ATP6V1B1: variants seen among roughly 807,000 people sequenced by gnomAD.
ATP6V1B1 encodes ATPase H+ transporting V1 subunit B1.
Under a neutral mutation model 62.1 loss-of-function variants are expected in ATP6V1B1, and 41 were observed. The ratio of observed to expected loss-of-function variants is 0.66; its 90% CI spans 0.51 to 0.86. ATP6V1B1 has a LOEUF of 0.86. Ranked by LOEUF, ATP6V1B1 falls within the 40% of genes least tolerant of loss-of-function variation. The probability of loss-of-function intolerance (pLI) is 0.00; values close to 1 mark genes in which losing one functional copy is unlikely to be tolerated. For synonymous variants in ATP6V1B1, 253 were observed against 273.4 expected, an observed-to-expected ratio of 0.93 and a Z score of 0.74; for missense variants, 651 against 697.5, an observed-to-expected ratio of 0.93 and a Z score of 0.75.
At position 70,957,845 on chromosome 2, in the gene ATP6V1B1, T is replaced by C. The variant is rs1474164659; in HGVS notation, c.175-201T>C. On this transcript the variant is annotated intron_variant, in intron 2 of 13. Coordinates refer to ENST00000234396, the MANE Select transcript of ATP6V1B1 (RefSeq NM_001692.4). ...CTTCAGAGTTTCAGCTGTAACCTGG[T>C]CTTGCAACTCTGAAGTGGGTGCAAC... is the stretch of plus-strand genomic sequence containing the variant. The C allele has an allele frequency of 2.3e-5, 14 of 610,218 alleles. No homozygotes were observed. In the African/African-American group the frequency reaches 2.5e-4, roughly 11 times the overall value. The allele number at this position is 610,218 out of a possible 1,614,324, so 37.8% of individuals were successfully genotyped here. A position where few individuals can be genotyped will look rare whatever the true frequency, so the allele number is the denominator to read the frequency against.
chr2:70,964,310 G>T, intron 11 of ATP6V1B1, 128 bp from the exon 12 acceptor site: 2 of 894,214 alleles, frequency 2.2e-6, no homozygotes, highest in Non-Finnish European at 3.7e-6. Flanking sequence ...AGATAAGAGA[G>T]GGTGGGTGTG....
intron 1 of ATP6V1B1, among the ~76,000 whole-genome samples, chr2:70,942,989 G>A (rs1553416630): frequency 6.6e-6 from 1 of 152,230 alleles, no homozygotes; most frequent in East Asian, 1.9e-4. Context: ...AATTCCCTAT[G>A]CAAGCTGAGC....
chr2:70,963,904 G>A lies in ATP6V1B1; in HGVS notation c.1143+250G>A, dbSNP rs1284237149. 2.0e-5 allele frequency among the ~76,000 whole-genome samples: 3 copies of A among 152,140 alleles called. No homozygotes were observed. The highest frequency in any genetic ancestry group is 6.5e-5 in the Admixed American group (1 of 15,278). ...TCCTAGGTTTCCTCATCCATAAAAT[G>A]GGAATAATCAAATATATCACCCAGA... On this transcript the variant is annotated intron_variant, in intron 11 of 13. Transcript: ENST00000234396. The surrounding 1 kb of genome is among the most constrained non-coding windows in gnomAD (Gnocchi z 4.3).
At position 70,959,241 on chromosome 2, in the gene ATP6V1B1, C is replaced by T; in HGVS notation, c.445+146C>T. 2 of 840,380 alleles carry T rather than the reference C, an allele frequency of 2.4e-6. No individual in the cohort carries two copies. The highest frequency in any genetic ancestry group is 4.0e-6 in the Non-Finnish European group (2 of 504,870). The allele number at this position is 840,380 out of a possible 1,614,324, so 52.1% of individuals were successfully genotyped here. The stretch of plus-strand genomic sequence containing the variant: ...CTATCCCCAAATCTTCCACTGAACC[C>T]CAACACTGCCGTCAGCACTCCATGT... On this transcript the variant is annotated intron_variant, in intron 5 of 13. Transcript: ENST00000234396. The surrounding 1 kb of genome is among the most constrained non-coding windows in gnomAD (Gnocchi z 4.2).
chr2:70,950,308 TCAGA>T (rs1440747182), intron 2 of ATP6V1B1, among the ~76,000 whole-genome samples: 3 of 152,194 alleles, frequency 2.0e-5, no homozygotes, highest in Non-Finnish European at 2.9e-5. Context: ...TTGGCTATTC[TCAGA>T]CATTTATGTG....
At chr2:70,942,086 CAG>C (rs1244861241) in intron 1 of ATP6V1B1, 31 of 1,114,148 alleles carry the variant, frequency 2.8e-5, no homozygotes, top group Admixed American at 1.8e-4. Flanking sequence ...GAGAGAGAGA[CAG>C]AGAGAGAGGC....
chr2:70,952,199 C>T (rs1047939990), intron 2 of ATP6V1B1, among the ~76,000 whole-genome samples: 4 of 152,042 alleles, frequency 2.6e-5, no homozygotes, highest in African/African-American at 7.2e-5. Context: ...CAGTAGCTCA[C>T]GCCTGTAATC....
intron 4 of ATP6V1B1, 94 bp from the exon 5 acceptor site, chr2:70,958,924 G>C (rs1680513963): frequency 8.0e-7 from 1 of 1,255,720 alleles, no homozygotes; most frequent in Admixed American, 1.9e-5. Context: ...CCTGTGGGGA[G>C]TGGGTGGGAG....
intron 11 of ATP6V1B1, chr2:70,964,114 ATTTTTT>A (rs66905923): frequency 7.1e-4 from 90 of 127,316 alleles, no homozygotes; most frequent in Middle Eastern, 3.8e-3. Context: ...CTTGGCAGGT[ATTTTTT>A]TTTTTTTTTT....
At position 70,959,039 on chromosome 2, in the gene ATP6V1B1, G is replaced by T. The variant is rs1553419552; in HGVS notation, c.389G>T (p.Gly130Val). The change falls in exon 5 of 14, where the codon GGC (glycine) becomes GTC (valine). Residue 130 changes from glycine to valine, a missense_variant. Coordinates refer to ENST00000234396, the MANE Select transcript of ATP6V1B1 (RefSeq NM_001692.4). This position sits in a 1 kb window ranked among gnomAD's most constrained non-coding sequence, Gnocchi z 4.2. The part of the protein sequence containing the change: ...DMLGRVFNGS[G>V]KPIDKGPVVM... Reference sequence around the variant, plus strand: ...TCAGGTCGGGTTTTCAATGGCTCCGGCAAGCCCATTGACAAGGGGCCAGTG... The same window carrying T: ...TCAGGTCGGGTTTTCAATGGCTCCGTCAAGCCCATTGACAAGGGGCCAGTG... 6.2e-7 allele frequency: 1 copy of T among 1,614,112 alleles called. No homozygotes were observed. The highest frequency in any genetic ancestry group is 1.7e-5 in the Admixed American group (1 of 60,008).
At chr2:70,957,873 C>A in intron 2 of ATP6V1B1, 173 bp from the exon 3 acceptor site, 1 of 674,584 alleles carries the variant, frequency 1.5e-6, no homozygotes, top group South Asian at 1.7e-5. Context: ...GGTGCAACTG[C>A]CTCCCAAACA....
intron 2 of ATP6V1B1, chr2:70,944,127 C>T (rs112803585): frequency 1.3e-4 from 162 of 1,280,578 alleles, no homozygotes; most frequent in African/African-American, 4.6e-4. Context: ...CTTCTTTTAA[C>T]GGGAAAGAGG....
chr2:70,964,246 T>C (rs190086329), intron 11 of ATP6V1B1, 192 bp from the exon 12 acceptor site: 3 of 621,236 alleles, frequency 4.8e-6, no homozygotes, highest in Middle Eastern at 2.7e-4. Context: ...CCTCCACTGT[T>C]CTGTCTAGGG....
At chr2:70,939,491 T>C (rs1194628174) in intron 1 of ATP6V1B1, 2 of 152,268 alleles carry the variant, frequency 1.3e-5, no homozygotes, top group Admixed American at 1.3e-4. Flanking sequence ...TCTTGAACTG[T>C]GGTGCGTCCT....
chr2:70,944,176 A>C, intron 2 of ATP6V1B1: 1 of 1,287,944 alleles, frequency 7.8e-7, no homozygotes, highest in Non-Finnish European at 1.0e-6. Flanking sequence ...TTTTCTAGGG[A>C]TCTTGATGGC....
intron 1 of ATP6V1B1, among the ~76,000 whole-genome samples, chr2:70,938,361 GT>G (rs1320487066): frequency 6.6e-6 from 1 of 152,062 alleles, no homozygotes; most frequent in African/African-American, 2.4e-5. Context: ...GGGCCACTCT[GT>G]CCCTCTCCAC....
chr2:70,942,150 C>T (rs67965081), intron 1 of ATP6V1B1: 107,503 of 644,936 alleles, frequency 0.17, 10,126 homozygotes, highest in Non-Finnish European at 0.2. Context: ...GCCTGTTTCC[C>T]GGTGCAGGGG....
At chr2:70,953,638 C>T (rs1553418596) in intron 2 of ATP6V1B1, among the ~76,000 whole-genome samples, 1 of 152,124 alleles carries the variant, frequency 6.6e-6, no homozygotes, top group African/African-American at 2.4e-5. Context: ...ATTTGTGCAT[C>T]CATGTTCACG....
chr2:70,959,098 G>A lies in ATP6V1B1; in HGVS notation c.445+3G>A. The A allele has an allele frequency of 6.2e-7, 1 of 1,614,142 alleles. No homozygotes were observed. Among genetic ancestry groups the A allele is most frequent in the Non-Finnish European group, 8.5e-7 (1 of 1,180,018 alleles). Reference sequence around the variant, plus strand: ...GGAGGACTTTCTGGATATCAATGGTGAGTGACTGGAGGTTCTGGATGGCTT... The same window carrying A: ...GGAGGACTTTCTGGATATCAATGGTAAGTGACTGGAGGTTCTGGATGGCTT... On this transcript the variant is annotated splice_donor_region_variant and intron_variant, in intron 5 of 13. Coordinates refer to ENST00000234396, the MANE Select transcript of ATP6V1B1 (RefSeq NM_001692.4). This position sits in a 1 kb window ranked among gnomAD's most constrained non-coding sequence, Gnocchi z 4.2.
Sources: allele counts gnomAD v4.1 joint callset (sites outside exome capture counted in the v4.1 genomes callset), GRCh38; gene constraint gnomAD v4.1.1; non-coding constraint Gnocchi (gnomAD v3.1); transcripts MANE v1.5; gene names NCBI Gene and HGNC (gene_info 2026-07-23, HGNC 2026-07-21).